Variants in FAT3 observed in about 807,000 individuals in gnomAD.
FAT3 encodes the protein FAT atypical cadherin 3.
Under a neutral mutation model 310.2 loss-of-function variants are expected in FAT3, and 95 were observed. That is an observed-to-expected ratio of 0.31 (90% CI 0.26 to 0.36). The LOEUF (loss-of-function observed/expected upper bound fraction) is 0.36. FAT3 is among the 10% of genes least tolerant of loss of function. The pLI is 1.00. For synonymous variants in FAT3, 2,314 were observed against 2,192.9 expected (o/e 1.06, Z -1.54); for missense variants, 5,408 against 5,715.6 (o/e 0.95, Z 1.74).
rs1354940632 is a variant in FAT3 at position 92,761,721 on chromosome 11, AAG to A, written c.3670-131_3670-130del. On this transcript the variant is annotated intron_variant, in intron 4 of 27. Transcript: ENST00000525166. ...AATTCAATCTATAGAAAGATGAAAA[AAG>A]AGAAGAAAATGAATACTAAAAGAAT... 6.3e-6 allele frequency: 5 copies of A among 794,142 alleles called. No individual in the cohort carries two copies. The African/African-American group carries it at 8.6e-5, about 14-fold the overall frequency. 49.2% of individuals were successfully genotyped at this position (794,142 alleles called of 1,614,324 possible).
chr11:92,715,174 G>C (rs542588625), intron 4 of FAT3, among the ~76,000 whole-genome samples: 1 of 151,766 alleles, frequency 6.6e-6, no homozygotes, highest in Non-Finnish European at 1.5e-5. Context: ...GGGAGGCCGA[G>C]GTAGGCGGAT....
intron 3 of FAT3, among the ~76,000 whole-genome samples, chr11:92,654,967 TGTAA>T (rs36050621): frequency 0.15 from 23,043 of 152,092 alleles, 1,862 homozygotes; most frequent in African/African-American, 0.19. Flanking sequence ...CATTCCCTCC[TGTAA>T]GTTCCTACCT....
intron 2 of FAT3, among the ~76,000 whole-genome samples, chr11:92,412,764 T>TACAC (rs1252523446): frequency 3.9e-5 from 5 of 128,188 alleles, no homozygotes; most frequent in Admixed American, 2.5e-4. Context: ...TACATATATA[T>TACAC]ATATTTAATG....
intron 2 of FAT3, among the ~76,000 whole-genome samples, chr11:92,478,934 C>CTCTT (rs199741658): frequency 1.3e-4 from 15 of 114,472 alleles, no homozygotes; most frequent in African/African-American, 2.7e-4. Flanking sequence ...TTCTTTCCTT[C>CTCTT]TCTTTCTTTC....
intron 1 of FAT3, among the ~76,000 whole-genome samples, chr11:92,330,838 C>T (rs1310369458): frequency 6.6e-6 from 1 of 151,960 alleles, no homozygotes; most frequent in African/African-American, 2.4e-5. Flanking sequence ...CTTTAAATAT[C>T]TGATAAACAC....
intron 3 of FAT3, among the ~76,000 whole-genome samples, chr11:92,612,553 G>A (rs563145917): frequency 6.6e-6 from 1 of 152,274 alleles, no homozygotes; most frequent in Admixed American, 6.5e-5. Context: ...AAAATGTGGG[G>A]AATTGAATTG....
At chr11:92,415,848 G>GTTTTTTTTTTTTTTT (rs1950396728) in intron 2 of FAT3, among the ~76,000 whole-genome samples, 2 of 78,408 alleles carry the variant, frequency 2.6e-5, no homozygotes, top group Non-Finnish European at 4.8e-5. Flanking sequence ...AAGCATTTTT[G>GTTTTTTTTTTTTTTT]CTTTTTTTTT....
intron 4 of FAT3, among the ~76,000 whole-genome samples, chr11:92,704,856 CA>C: frequency 6.6e-6 from 1 of 152,190 alleles, no homozygotes; most frequent in Non-Finnish European, 1.5e-5. Context: ...CTCACACCAC[CA>C]CCTCACAAGG....
At chr11:92,667,064 A>C (rs1942977338) in intron 3 of FAT3, among the ~76,000 whole-genome samples, 1 of 152,092 alleles carries the variant, frequency 6.6e-6, no homozygotes, top group Admixed American at 6.5e-5. Flanking sequence ...TTGCCAGCAC[A>C]GACCAGACAA....
intron 1 of FAT3, among the ~76,000 whole-genome samples, chr11:92,255,551 G>A (rs1389111302): frequency 6.6e-6 from 1 of 152,002 alleles, no homozygotes; most frequent in Non-Finnish European, 1.5e-5. Context: ...GTGGAGAGGA[G>A]CCATTATGGG....
At chr11:92,881,508 A>G (rs879500082) in intron 23 of FAT3, among the ~76,000 whole-genome samples, 5 of 152,206 alleles carry the variant, frequency 3.3e-5, no homozygotes, top group Non-Finnish European at 5.9e-5. Context: ...TTACCAGGAA[A>G]TACTTAACTG....
intron 1 of FAT3, among the ~76,000 whole-genome samples, chr11:92,299,113 G>C (rs1049998644): frequency 8.5e-5 from 13 of 152,070 alleles, no homozygotes; most frequent in African/African-American, 3.1e-4. Context: ...TCTGGCTGAG[G>C]TCTGGAAAGG....
intron 2 of FAT3, among the ~76,000 whole-genome samples, chr11:92,511,373 C>T (rs1028673083): frequency 1.8e-4 from 27 of 151,908 alleles, no homozygotes; most frequent in Middle Eastern, 3.4e-3. Context: ...CTGGTTGACT[C>T]TTCTTTTTTT....
At chr11:92,566,853 G>C (rs1012597697) in intron 3 of FAT3, among the ~76,000 whole-genome samples, 1 of 152,172 alleles carries the variant, frequency 6.6e-6, no homozygotes, top group Non-Finnish European at 1.5e-5. Flanking sequence ...GCTGAAACTG[G>C]ATCCCTTCCA....
intron 2 of FAT3, among the ~76,000 whole-genome samples, chr11:92,445,562 T>G (rs1951189136): frequency 6.6e-6 from 1 of 152,176 alleles, no homozygotes; most frequent in Admixed American, 6.5e-5. Flanking sequence ...CCACTGTGAC[T>G]CACCCTTAGA....
At chr11:92,574,325 G>A (rs1938348310) in intron 3 of FAT3, among the ~76,000 whole-genome samples, 1 of 152,112 alleles carries the variant, frequency 6.6e-6, no homozygotes, top group Non-Finnish European at 1.5e-5. Context: ...CATGGTGCCT[G>A]CCAGAGATGA....
chr11:92,832,817 C>CA (rs1413756922), intron 14 of FAT3, among the ~76,000 whole-genome samples: 1 of 152,118 alleles, frequency 6.6e-6, no homozygotes, highest in Non-Finnish European at 1.5e-5. Context: ...CATGCACAGG[C>CA]AGACACTGAT....
At chr11:92,586,653 T>C (rs1255263531) in intron 3 of FAT3, among the ~76,000 whole-genome samples, 2 of 152,162 alleles carry the variant, frequency 1.3e-5, no homozygotes, top group East Asian at 3.9e-4. Context: ...ATTTAAATTT[T>C]TGGAATTCAG....
chr11:92,553,888 C>T (rs940433133), intron 3 of FAT3, among the ~76,000 whole-genome samples: 1 of 151,824 alleles, frequency 6.6e-6, no homozygotes, highest in Non-Finnish European at 1.5e-5. Context: ...TCACTGCAAG[C>T]TCTGCCTACC....
Sources: gnomAD v4.1 joint callset for allele counts (sites outside exome capture counted in the v4.1 genomes callset) on GRCh38, gnomAD v4.1.1 for gene constraint, MANE v1.5 for transcripts, NCBI Gene and HGNC (gene_info 2026-07-23, HGNC 2026-07-21) for gene names.